DDR2: variants seen among roughly 807,000 people sequenced by gnomAD.
DDR2 encodes the protein discoidin domain receptor tyrosine kinase 2, also known as discoidin domain-containing receptor 2.
DDR2 carries 27 observed loss-of-function variants against 94.9 expected under a neutral mutation model. The observed-to-expected ratio is 0.28, with a 90% CI of 0.21 to 0.39. The LOEUF (loss-of-function observed/expected upper bound fraction) is 0.39. DDR2 is among the 10% of genes least tolerant of loss of function. DDR2 has a pLI of 1.00. For missense variants in DDR2, 783 were observed against 1,076.0 expected (o/e 0.73, Z 3.81); for synonymous variants, 382 against 377.2 (o/e 1.01, Z -0.15).
At chr1:162,705,798 A>G (rs1277999063) in intron 2 of DDR2, among the ~76,000 whole-genome samples, 1 of 152,124 alleles carries the variant, frequency 6.6e-6, no homozygotes, top group African/African-American at 2.4e-5. Context: ...TGTTCTCTTC[A>G]CTTGTTCAAG....
intron 2 of DDR2, among the ~76,000 whole-genome samples, chr1:162,708,557 G>A (rs1024745431): frequency 6.6e-6 from 1 of 152,164 alleles, no homozygotes; most frequent in African/African-American, 2.4e-5. Context: ...TATTGATCAA[G>A]CAGCGTAATC....
chr1:162,670,884 T>C (rs1182530343), intron 2 of DDR2, among the ~76,000 whole-genome samples: 1 of 152,186 alleles, frequency 6.6e-6, no homozygotes, highest in Admixed American at 6.5e-5. Flanking sequence ...GATTTGACTC[T>C]GGTACAAGTG....
chr1:162,634,142 T>C (rs1656697146), intron 1 of DDR2, among the ~76,000 whole-genome samples: 1 of 152,194 alleles, frequency 6.6e-6, no homozygotes, highest in African/African-American at 2.4e-5. Context: ...GGGAGCAGTA[T>C]GGATTCTCTC....
intron 1 of DDR2, among the ~76,000 whole-genome samples, chr1:162,652,844 C>A (rs1657769972): frequency 6.6e-6 from 1 of 152,200 alleles, no homozygotes; most frequent in Non-Finnish European, 1.5e-5. Context: ...GTGGCTTACA[C>A]CTCTAATCCC....
At chr1:162,724,643 G>A (rs1188739739) in intron 3 of DDR2, among the ~76,000 whole-genome samples, 2 of 152,144 alleles carry the variant, frequency 1.3e-5, no homozygotes, top group Non-Finnish European at 2.9e-5. Flanking sequence ...CGTCATTCGT[G>A]TTCCCAGAGA....
Position 162,773,556 on chromosome 1 carries a change from G to T in DDR2, c.1816G>T (p.Ala606Ser). 6.2e-7 allele frequency: 1 copy of T among 1,614,100 alleles called. No homozygotes were observed. Among genetic ancestry groups the T allele is most frequent in the Non-Finnish European group, 8.5e-7 (1 of 1,179,948 alleles). ...CAGTGCCAACCAGCCTGTCCTGGTG[G>T]CTGTGAAAATGCTCCGAGCAGATGC... is the stretch of plus-strand genomic sequence containing the variant. ...DVSANQPVLV[A>S]VKMLRADANK... The change falls in exon 14 of 18, where the codon GCT becomes TCT. Residue 606 changes from alanine to serine, a missense_variant. Transcript: ENST00000367921.
intron 1 of DDR2, among the ~76,000 whole-genome samples, chr1:162,651,806 A>T (rs1428380949): frequency 1.2e-4 from 19 of 152,214 alleles, no homozygotes; most frequent in Admixed American, 1.2e-3. Flanking sequence ...AATGAGTCGA[A>T]TCTTGGTTTA....
At chr1:162,638,014 T>C (rs907861624) in intron 1 of DDR2, among the ~76,000 whole-genome samples, 1 of 152,096 alleles carries the variant, frequency 6.6e-6, no homozygotes, top group African/African-American at 2.4e-5. Context: ...GGACTGTACT[T>C]TTTTTTAATT....
At chr1:162,720,025 A>G (rs1661348942) in intron 3 of DDR2, among the ~76,000 whole-genome samples, 1 of 152,202 alleles carries the variant, frequency 6.6e-6, no homozygotes. Context: ...CACTGCTGAA[A>G]TCATGTTTAC....
rs2102134692 is a variant in DDR2, at chr1:162,754,814, G to A, written c.376G>A (p.Gly126Ser). 6.2e-6 allele frequency: 10 copies of A among 1,614,118 alleles called. No individual in the cohort carries two copies. The highest frequency in any genetic ancestry group is 6.8e-6 in the Non-Finnish European group (8 of 1,180,008). ...GTACAAGATCAATTACAGTCGGGAT[G>A]GCACTCGCTGGATCTCTTGGCGGAA... The part of the protein sequence containing the change: ...PMYKINYSRD[G>S]TRWISWRNRH... The change falls in exon 5 of 18, where the codon GGC (glycine) becomes AGC (serine). Residue 126 changes from glycine to serine, a missense_variant. Physicochemically the swap from Gly to Ser is moderately conservative, Grantham distance 56 (BLOSUM62 0). Transcript: ENST00000367921.
Position 162,754,821 on chromosome 1 carries a change from G to A in DDR2, c.383G>A (p.Arg128His), listed in dbSNP as rs149507401. The change falls in exon 5 of 18, where the codon CGC becomes CAC. Residue 128 changes from arginine (R) to histidine (H), a missense_variant. This residue lies in a region of DDR2 where 519 missense variants were observed against 647.9 expected (regional missense o/e 0.80). Transcript: ENST00000367921. ...YKINYSRDGT[R>H]WISWRNRHGK... is the part of the protein sequence containing the mutation. Reference sequence around the variant, plus strand: ...ATCAATTACAGTCGGGATGGCACTCGCTGGATCTCTTGGCGGAACCGTCAT... The same window carrying A: ...ATCAATTACAGTCGGGATGGCACTCACTGGATCTCTTGGCGGAACCGTCAT... The A allele has an allele frequency of 1.9e-5, 30 of 1,613,944 alleles. No individual in the cohort carries two copies. Among genetic ancestry groups the A allele is most frequent in the South Asian group, 3.3e-5 (3 of 91,076 alleles).
chr1:162,686,819 C>G (rs1659712033), intron 2 of DDR2, among the ~76,000 whole-genome samples: 1 of 152,232 alleles, frequency 6.6e-6, no homozygotes. Context: ...CTCAGGTTAT[C>G]TGCCCGCCTT....
intron 1 of DDR2, among the ~76,000 whole-genome samples, chr1:162,636,982 T>C (rs930909302): frequency 3.9e-5 from 6 of 152,270 alleles, no homozygotes; most frequent in African/African-American, 1.4e-4. Flanking sequence ...TCTTGAATAG[T>C]GGTGATTTAA....
intron 1 of DDR2, among the ~76,000 whole-genome samples, chr1:162,648,434 G>A (rs1657522281): frequency 6.6e-6 from 1 of 152,022 alleles, no homozygotes; most frequent in African/African-American, 2.4e-5. Context: ...TTGCATAGAT[G>A]GGTTTTCTGA....
intron 1 of DDR2, among the ~76,000 whole-genome samples, chr1:162,637,477 C>T (rs561518246): frequency 2.2e-4 from 34 of 152,066 alleles, no homozygotes; most frequent in African/African-American, 8.2e-4. Flanking sequence ...ATTCCTTCTA[C>T]CCTTTGCACA....
chr1:162,773,377 A>T (rs1647339843), intron 13 of DDR2, 92 bp from the exon 14 acceptor site: 2 of 1,563,142 alleles, frequency 1.3e-6, no homozygotes, highest in Admixed American at 3.4e-5. Context: ...CTGAGTTGTA[A>T]GAGTTAGTTT....
At chr1:162,712,011 C>G (rs778579743) in intron 2 of DDR2, among the ~76,000 whole-genome samples, 1 of 151,998 alleles carries the variant, frequency 6.6e-6, no homozygotes, top group African/African-American at 2.4e-5. Context: ...GAGAACTTAA[C>G]TTCCTGCTCA....
chr1:162,711,361 T>G (rs4559477), intron 2 of DDR2, among the ~76,000 whole-genome samples: 120,432 of 152,174 alleles, frequency 0.79, 49,109 homozygotes, highest in Non-Finnish European at 0.9. Flanking sequence ...TGTGGGATTT[T>G]TTATTCAAAG....
At chr1:162,660,917 G>A (rs982366747) in intron 2 of DDR2, among the ~76,000 whole-genome samples, 8 of 152,342 alleles carry the variant, frequency 5.3e-5, no homozygotes, top group East Asian at 1.9e-4. Context: ...AAAGCCAAAA[G>A]TATTTACTAT....
Sources: gnomAD v4.1 joint callset for allele counts (sites outside exome capture counted in the v4.1 genomes callset) on GRCh38, gnomAD v4.1.1 for gene constraint, gnomAD v4.1.1 regional missense constraint, MANE v1.5 for transcripts, NCBI Gene and HGNC (gene_info 2026-07-23, HGNC 2026-07-21) for gene names.